CAPG: variants seen among roughly 807,000 people sequenced by gnomAD.
CAPG encodes macrophage-capping protein.
Under a neutral mutation model 44.6 loss-of-function variants are expected in CAPG, and 32 were observed. The observed-to-expected ratio is 0.72, with a 90% CI of 0.54 to 0.96. The LOEUF is 0.96. CAPG is among the 50% of genes least tolerant of loss of function. CAPG has a pLI of 0.00. For missense variants in CAPG, 412 were observed against 438.3 expected (o/e 0.94, Z 0.54); for synonymous variants, 175 against 179.6 (o/e 0.97, Z 0.20).
chr2:85,418,615 C>T (rs1236632454), upstream of CAPG: 1 of 151,004 alleles, frequency 6.6e-6, no homozygotes, highest in African/African-American at 2.4e-5. Context: ...CACACACAGT[C>T]TCACAAACAC....
upstream of CAPG, among the ~76,000 whole-genome samples, chr2:85,411,840 T>C (rs1687421191): frequency 6.6e-6 from 1 of 152,134 alleles, no homozygotes; most frequent in Admixed American, 6.6e-5. Context: ...GGCAGGCAGA[T>C]TACCTGAGGT....
At position 85,410,325 on chromosome 2, in the gene CAPG, CGTAG is replaced by C. The variant is rs533731772; in HGVS notation, c.-26_-23del. ...TCCTTTCTTCCTCCTACCTCTGCTT[CGTAG>C]GTTCGTCTTCCTTCCAGCCTGCCCC... is the stretch of plus-strand genomic sequence containing the variant. On this transcript the variant is annotated 5_prime_UTR_variant, in exon 1 of 10. Transcript: ENST00000263867. 1 of 152,724 alleles carries C rather than the reference CGTAG, an allele frequency of 6.5e-6. No homozygotes were observed. The highest frequency in any genetic ancestry group is 2.4e-5 in the African/African-American group (1 of 41,608). The allele number at this position is 152,724 out of a possible 1,614,324, so 9.5% of individuals were successfully genotyped here.
chr2:85,414,598 C>CTT (rs35025820), upstream of CAPG, among the ~76,000 whole-genome samples: 1 of 145,060 alleles, frequency 6.9e-6, no homozygotes, highest in Non-Finnish European at 1.5e-5. Flanking sequence ...CCCAGCTAAA[C>CTT]TTTTTTTTTT....
downstream of CAPG, chr2:85,394,695 TG>T (rs2104775969): frequency 1.6e-6 from 1 of 633,428 alleles, no homozygotes; most frequent in African/African-American, 1.8e-5. Context: ...ACCCCCAGCA[TG>T]GGGATGAACC....
At chr2:85,413,734 C>A (rs1432112954), upstream of CAPG, 1 of 152,272 alleles carries the variant, frequency 6.6e-6, no homozygotes, top group Non-Finnish European at 1.5e-5. Context: ...TGTTCCTACC[C>A]TTGTGGTCTC....
intron 1 of CAPG, among the ~76,000 whole-genome samples, chr2:85,410,024 C>T (rs191129051): frequency 4.7e-4 from 71 of 152,358 alleles, no homozygotes; most frequent in Non-Finnish European, 6.3e-4. Flanking sequence ...TGGGACAAGC[C>T]CTGACCCAAG....
At chr2:85,410,086 T>A (rs1687352478) in intron 1 of CAPG, among the ~76,000 whole-genome samples, 1 of 152,182 alleles carries the variant, frequency 6.6e-6, no homozygotes, top group Non-Finnish European at 1.5e-5. Flanking sequence ...CCGGGCAGCT[T>A]CACAGCTGCC....
downstream of CAPG, among the ~76,000 whole-genome samples, chr2:85,391,907 C>T (rs1313847318): frequency 6.6e-6 from 1 of 152,200 alleles, no homozygotes; most frequent in Non-Finnish European, 1.5e-5. Context: ...GCCTGTGCTG[C>T]AGCCAAACCT....
intron 1 of CAPG, among the ~76,000 whole-genome samples, chr2:85,417,788 C>T (rs1687599717): frequency 6.6e-6 from 1 of 152,020 alleles, no homozygotes; most frequent in African/African-American, 2.4e-5. Context: ...CCGGCCATAC[C>T]CTCCCTTTTG....
downstream of CAPG, among the ~76,000 whole-genome samples, chr2:85,392,838 T>C (rs1334609979): frequency 6.6e-6 from 1 of 151,972 alleles, no homozygotes; most frequent in African/African-American, 2.4e-5. Context: ...CACTTTGGAG[T>C]ATCAGGTTGG....
chr2:85,391,810 C>T (rs1283301078), downstream of CAPG: 2 of 152,604 alleles, frequency 1.3e-5, no homozygotes, highest in Non-Finnish European at 2.9e-5. Flanking sequence ...TCCTGTCATT[C>T]CGGAACCTGG....
In CAPG at chr2:85,401,674, G is replaced by A. The variant is rs11539101; in HGVS notation, c.206C>T (p.Ser69Leu). 6.2e-7 allele frequency: 1 copy of A among 1,614,190 alleles called. No individual in the cohort carries two copies. The highest frequency in any genetic ancestry group is 8.5e-7 in the Non-Finnish European group (1 of 1,180,036). The change falls in exon 4 of 10, where the codon TCA (serine) becomes TTA (leucine). Residue 69 changes from serine to leucine, a missense_variant. Ser to Leu is a moderately radical substitution (Grantham distance 145). Coordinates refer to ENST00000263867, the MANE Select transcript of CAPG (RefSeq NM_001747.4). ...ACAGGCCCCCTGCTCATCCCGGGAT[G>A]ACTGCTGGCCTGGGACAAGTGGGAG... ...SHLHLWIGQQ[S>L]SRDEQGACAV...
At chr2:85,399,088 C>A (rs779630343) in intron 6 of CAPG, 48 bp downstream of exon 6, 18 of 1,599,644 alleles carry the variant, frequency 1.1e-5, no homozygotes, top group Non-Finnish European at 1.5e-5. Flanking sequence ...CCTCTCTTGG[C>A]CACTTTCAAG....
At chr2:85,416,453 G>C (rs547470475) in intron 1 of CAPG, among the ~76,000 whole-genome samples, 2 of 152,148 alleles carry the variant, frequency 1.3e-5, no homozygotes, top group African/African-American at 2.4e-5. Flanking sequence ...CATCACGGGG[G>C]ACTGACAGGG....
chr2:85,394,806 G>C lies in CAPG; in HGVS notation c.*87C>G. The C allele has an allele frequency of 2.2e-6, 2 of 904,510 alleles. No homozygotes were observed. Among genetic ancestry groups the C allele is most frequent in the Non-Finnish European group, 3.8e-6 (2 of 532,828 alleles). 56.0% of individuals were successfully genotyped at this position (904,510 alleles called of 1,614,324 possible). Reference sequence around the variant, plus strand: ...TCTCCTTTATTGAACATCTGCAGGGGGCACCTCTGCACTGACCAGGCAGCC... The same window carrying C: ...TCTCCTTTATTGAACATCTGCAGGGCGCACCTCTGCACTGACCAGGCAGCC... On this transcript the variant is annotated 3_prime_UTR_variant, in exon 10 of 10. Coordinates refer to ENST00000263867, the MANE Select transcript of CAPG (RefSeq NM_001747.4).
intron 1 of CAPG, among the ~76,000 whole-genome samples, chr2:85,404,160 A>G (rs1210322564): frequency 6.6e-6 from 1 of 152,012 alleles, no homozygotes; most frequent in Non-Finnish European, 1.5e-5. Context: ...TATACAATAT[A>G]TACACATACA....
chr2:85,418,231 C>G (rs754366377), intron 1 of CAPG: 9 of 152,242 alleles, frequency 5.9e-5, no homozygotes, highest in Non-Finnish European at 1.3e-4. Flanking sequence ...CGACTCCGGC[C>G]AGAGCGCGCC....
At chr2:85,417,929 C>A (rs777851397) in intron 1 of CAPG, among the ~76,000 whole-genome samples, 1 of 152,164 alleles carries the variant, frequency 6.6e-6, no homozygotes, top group Admixed American at 6.5e-5. Context: ...CCCTCCCAAA[C>A]TCGGTTTATT....
At chr2:85,416,601 C>G (rs924542472) in intron 1 of CAPG, among the ~76,000 whole-genome samples, 1 of 152,196 alleles carries the variant, frequency 6.6e-6, no homozygotes. Flanking sequence ...AACCTTCCCC[C>G]CCGCCGGTTC....
Sources: allele counts gnomAD v4.1 joint callset (sites outside exome capture counted in the v4.1 genomes callset), GRCh38; gene constraint gnomAD v4.1.1; transcripts MANE v1.5; gene names NCBI Gene and HGNC (gene_info 2026-07-23, HGNC 2026-07-21).